The following CDH18 variants were observed in gnomAD, a reference collection of about 807,000 sequenced individuals.
CDH18 encodes the protein cadherin-18.
In CDH18, 31 loss-of-function variants were observed where a neutral mutation model predicts 67.9. The observed-to-expected ratio is 0.46, with a 90% confidence interval of 0.34 to 0.62. The LOEUF (loss-of-function observed/expected upper bound fraction) is 0.62. Ranked by LOEUF, CDH18 falls within the 20% of genes least tolerant of loss-of-function variation. The probability of loss-of-function intolerance (pLI) is 0.01; values close to 1 mark genes in which losing one functional copy is unlikely to be tolerated. For synonymous variants in CDH18, 362 were observed against 347.2 expected (o/e 1.04, Z -0.48); for missense variants, 890 against 975.5 (o/e 0.91, Z 1.17).
At chr5:19,831,331 C>T (rs892194927) in intron 3 of CDH18, among the ~76,000 whole-genome samples, 1 of 151,964 alleles carries the variant, frequency 6.6e-6, no homozygotes, top group Admixed American at 6.6e-5. Flanking sequence ...AGTAAAGAGA[C>T]AAACTATAGA....
chr5:19,523,251 G>C (rs897515861), intron 9 of CDH18, among the ~76,000 whole-genome samples: 3 of 152,006 alleles, frequency 2.0e-5, no homozygotes, highest in African/African-American at 4.8e-5. Context: ...TGGGAAAAAT[G>C]GTTAGCATTA....
At chr5:20,268,560 A>G (rs923977272) in intron 1 of CDH18, among the ~76,000 whole-genome samples, 1 of 151,694 alleles carries the variant, frequency 6.6e-6, no homozygotes, top group Admixed American at 6.6e-5. Context: ...ACACAGAAAG[A>G]CCCCATCTCT....
intron 8 of CDH18, among the ~76,000 whole-genome samples, chr5:19,570,844 T>C (rs1360269878): frequency 6.6e-6 from 1 of 152,212 alleles, no homozygotes; most frequent in Non-Finnish European, 1.5e-5. Flanking sequence ...TCCTTTAATC[T>C]AACTAAATCC....
intron 2 of CDH18, among the ~76,000 whole-genome samples, chr5:19,968,045 T>G (rs202104934): frequency 6.7e-6 from 1 of 149,882 alleles, no homozygotes; most frequent in Non-Finnish European, 1.5e-5. Flanking sequence ...TATACACCAA[T>G]AACAGACAAA....
intron 9 of CDH18, among the ~76,000 whole-genome samples, chr5:19,530,565 C>T (rs1414047491): frequency 6.6e-6 from 1 of 151,996 alleles, no homozygotes; most frequent in Non-Finnish European, 1.5e-5. Flanking sequence ...GTATATCTCC[C>T]AGTGCTATCC....
At chr5:20,446,818 G>T (rs987370221) in intron 1 of CDH18, among the ~76,000 whole-genome samples, 5 of 152,044 alleles carry the variant, frequency 3.3e-5, no homozygotes, top group Admixed American at 2.0e-4. Flanking sequence ...CTATGAAAAA[G>T]GTCATCAATA....
At chr5:19,474,525 A>G (rs1738115743) in intron 12 of CDH18, among the ~76,000 whole-genome samples, 1 of 152,054 alleles carries the variant, frequency 6.6e-6, no homozygotes, top group African/African-American at 2.4e-5. Flanking sequence ...AACTTCCACA[A>G]GCTTAATGTT....
chr5:20,085,919 A>G (rs1744911041), intron 2 of CDH18, among the ~76,000 whole-genome samples: 1 of 152,198 alleles, frequency 6.6e-6, no homozygotes, highest in Admixed American at 6.5e-5. Context: ...ATTCAAATAA[A>G]AAGAAGAGTT....
At chr5:20,091,994 G>T (rs1745480260) in intron 2 of CDH18, among the ~76,000 whole-genome samples, 1 of 152,030 alleles carries the variant, frequency 6.6e-6, no homozygotes, top group Non-Finnish European at 1.5e-5. Flanking sequence ...TGTAATTTTG[G>T]AACCATAGAC....
intron 2 of CDH18, among the ~76,000 whole-genome samples, chr5:19,857,050 C>A (rs377401384): frequency 6.6e-6 from 1 of 151,842 alleles, no homozygotes; most frequent in African/African-American, 2.4e-5. Context: ...TAGTGAGATC[C>A]CATCTCCACA....
At chr5:20,316,122 T>G (rs1450960030) in intron 1 of CDH18, among the ~76,000 whole-genome samples, 1 of 152,138 alleles carries the variant, frequency 6.6e-6, no homozygotes, top group Non-Finnish European at 1.5e-5. Flanking sequence ...AATTTTTGTT[T>G]TCAATAAGAT....
chr5:20,205,013 CA>C (rs1190779754), intron 2 of CDH18, among the ~76,000 whole-genome samples: 2 of 151,752 alleles, frequency 1.3e-5, no homozygotes, highest in African/African-American at 4.8e-5. Flanking sequence ...AACAGAGCTG[CA>C]AAACAACCAG....
chr5:20,406,134 A>G (rs1338270522), intron 1 of CDH18, among the ~76,000 whole-genome samples: 7 of 152,130 alleles, frequency 4.6e-5, no homozygotes, highest in Admixed American at 6.6e-5. Flanking sequence ...ACATGCACAC[A>G]TATGTTTATT....
chr5:19,796,146 G>A (rs576732708), intron 3 of CDH18, among the ~76,000 whole-genome samples: 1 of 152,078 alleles, frequency 6.6e-6, no homozygotes, highest in African/African-American at 2.4e-5. Context: ...ACTGACACTA[G>A]AAGAATTTTA....
At chr5:20,174,750 A>G (rs1737101841) in intron 2 of CDH18, among the ~76,000 whole-genome samples, 1 of 152,182 alleles carries the variant, frequency 6.6e-6, no homozygotes, top group African/African-American at 2.4e-5. Flanking sequence ...CCATTATAAT[A>G]AAAAGAACAG....
chr5:19,624,772 GC>G, intron 5 of CDH18, among the ~76,000 whole-genome samples: 1 of 152,302 alleles, frequency 6.6e-6, no homozygotes, highest in Non-Finnish European at 1.5e-5. Flanking sequence ...CTACCAGACA[GC>G]AAACCTGCTT....
At chr5:19,594,946 G>T (rs947108907) in intron 6 of CDH18, among the ~76,000 whole-genome samples, 1 of 151,630 alleles carries the variant, frequency 6.6e-6, no homozygotes, top group Non-Finnish European at 1.5e-5. Flanking sequence ...AGAGCAATTA[G>T]GCATTTAAAA....
intron 1 of CDH18, among the ~76,000 whole-genome samples, chr5:20,279,811 A>G (rs1380023876): frequency 2.0e-5 from 3 of 151,700 alleles, no homozygotes; most frequent in African/African-American, 7.3e-5. Flanking sequence ...TGGACAGATC[A>G]TCCAGACAGA....
chr5:20,518,067 C>T (rs1755485434), intron 1 of CDH18, among the ~76,000 whole-genome samples: 1 of 151,968 alleles, frequency 6.6e-6, no homozygotes, highest in African/African-American at 2.4e-5. Flanking sequence ...GATTCTGAAT[C>T]TAATCAGAGA....
Sources: allele counts gnomAD v4.1 joint callset (sites outside exome capture counted in the v4.1 genomes callset), GRCh38; gene constraint gnomAD v4.1.1; transcripts MANE v1.5; gene names NCBI Gene and HGNC (gene_info 2026-07-23, HGNC 2026-07-21).